COMMD8: variants seen among roughly 807,000 people sequenced by gnomAD.
The protein encoded by COMMD8 is COMM domain containing 8.
Under a neutral mutation model 27.2 loss-of-function variants are expected in COMMD8, and 28 were observed. The observed-to-expected ratio is 1.03, with a 90% confidence interval of 0.76 to 1.41. The LOEUF (loss-of-function observed/expected upper bound fraction) is 1.41, where lower values mean the gene tolerates loss of function less well. Ranked by LOEUF, COMMD8 falls within the 40% of genes most tolerant of loss-of-function variation. The pLI is 0.00. For missense variants in COMMD8, 217 were observed against 211.2 expected, an observed-to-expected ratio of 1.03 and a Z score of -0.17; for synonymous variants, 79 against 75.5, an observed-to-expected ratio of 1.05 and a Z score of -0.24.
At position 47,452,929 on chromosome 4, in the gene COMMD8, G is replaced by A. The variant is rs1729788756; in HGVS notation, c.531+130C>T. 8 of 670,178 alleles carry A rather than the reference G, an allele frequency of 1.2e-5. No individual in the cohort carries two copies. In the East Asian group the frequency reaches 2.1e-4, roughly 18 times the overall value. 41.5% of individuals were successfully genotyped at this position (670,178 alleles called of 1,614,324 possible). On this transcript the variant is annotated intron_variant, in intron 4 of 4. Transcript: ENST00000381571. ...GAGAATCGCTTGAACTCGGGAGGCG[G>A]AGGTTGCAGTGAGCCGAGTTCGCGC...
rs200625536 is a variant in COMMD8 at position 47,456,673 on chromosome 4, G to A, written c.279C>T (p.Cys93=). 48 of 1,607,386 alleles carry A rather than the reference G, an allele frequency of 3.0e-5. No individual in the cohort carries two copies. Among genetic ancestry groups the A allele is most frequent in the Admixed American group, 8.5e-5 (5 of 58,872 alleles). ...NSLHQETIMK[C]VKSRKDEIKQ... ...TGATTTCATCTTTCCTACTTTTCAC[G>A]CATTTCATGATAGTTTCTTGATGAA... The change falls in exon 3 of 5, where the codon TGC becomes TGT. Residue 93 remains cysteine, a synonymous_variant. Transcript: ENST00000381571.
intron 3 of COMMD8, among the ~76,000 whole-genome samples, chr4:47,454,042 A>G (rs924587190): frequency 2.0e-5 from 3 of 152,186 alleles, no homozygotes; most frequent in African/African-American, 7.2e-5. Flanking sequence ...CAAAAACAGG[A>G]CCCATAATAT....
chr4:47,462,144 G>C (rs988599466), intron 1 of COMMD8, among the ~76,000 whole-genome samples: 1 of 152,128 alleles, frequency 6.6e-6, no homozygotes, highest in East Asian at 1.9e-4. Context: ...GTGCTCAACC[G>C]GGAAGCAACC....
intron 4 of COMMD8, among the ~76,000 whole-genome samples, chr4:47,452,385 CT>C (rs1235491344): frequency 2.0e-5 from 3 of 152,074 alleles, no homozygotes; most frequent in African/African-American, 2.4e-5. Context: ...AATAAAGCCA[CT>C]TTTTTTAGGA....
At chr4:47,462,440 A>G (rs1222745628) in intron 1 of COMMD8, among the ~76,000 whole-genome samples, 1 of 152,080 alleles carries the variant, frequency 6.6e-6, no homozygotes, top group South Asian at 2.1e-4. Context: ...GGGAAAGAAG[A>G]GCTGAGGCAA....
chr4:47,457,918 A>T (rs947599635), intron 2 of COMMD8, among the ~76,000 whole-genome samples: 1 of 151,702 alleles, frequency 6.6e-6, no homozygotes, highest in Non-Finnish European at 1.5e-5. Context: ...TGGCAATCCA[A>T]ATCAAGAGAT....
In COMMD8 at chr4:47,456,263, TA is replaced by T. The variant is rs1560390036; in HGVS notation, c.375+313del. The stretch of plus-strand genomic sequence containing the variant: ...CTCTTGTCTCAAAAAATAAATAAAT[TA>T]TACATATATATATATATATATATAT... On this transcript the variant is annotated intron_variant, in intron 3 of 4. Transcript: ENST00000381571. Among the ~76,000 whole-genome samples the T allele has an allele frequency of 3.8e-3, 313 of 81,670 alleles. 5 individuals carry two copies. Among genetic ancestry groups the T allele is most frequent in the African/African-American group, 0.016 (302 of 19,384 alleles). 53.6% of individuals were successfully genotyped at this position (81,670 alleles called of 152,430 possible).
Position 47,454,998 on chromosome 4 carries a change from T to A in COMMD8, c.375+1579A>T, listed in dbSNP as rs559779524. On this transcript the variant is annotated intron_variant, in intron 3 of 4. Coordinates refer to ENST00000381571, the MANE Select transcript of COMMD8 (RefSeq NM_017845.5). ...TCTCATATATGCTACTATTAACATC[T>A]CTCTTATCCTTTATTTATTTATTTT... 2.2e-4 allele frequency among the ~76,000 whole-genome samples: 34 copies of A among 151,856 alleles called. 2 individuals are homozygous for A. The South Asian group carries it at 6.7e-3, about 30-fold the overall frequency.
At position 47,463,609 on chromosome 4, in the gene COMMD8, G is replaced by A. The variant is rs1404028368; in HGVS notation, c.43C>T (p.Leu15=). 1 of 1,547,376 alleles carries A rather than the reference G, an allele frequency of 6.5e-7. No individual in the cohort carries two copies. The highest frequency in any genetic ancestry group is 8.7e-7 in the Non-Finnish European group (1 of 1,146,232). ...EGTPLWRLQK[L]PAELGPQLLH... ...ACCTGCGGGCCCAGCTCGGCCGGCAGCTTCTGCAGCCGCCACAAGGGCGTC... is the reference window on the plus strand; with the variant it reads ...ACCTGCGGGCCCAGCTCGGCCGGCAACTTCTGCAGCCGCCACAAGGGCGTC... The change falls in exon 1 of 5, where the codon CTG becomes TTG. Residue 15 remains leucine, a synonymous_variant. Transcript: ENST00000381571.
In COMMD8 at chr4:47,460,070, C is replaced by T. The variant is rs1363799988; in HGVS notation, c.222+74G>A. On this transcript the variant is annotated intron_variant, in intron 2 of 4. Transcript: ENST00000381571. ...TACTGATGATAGCCCTTGTATTATA[C>T]ATTGCTCTAAAAAACTCAGAGAGAA... The T allele has an allele frequency of 2.4e-6, 3 of 1,228,910 alleles. No homozygotes were observed. The African/African-American group carries it at 4.6e-5, about 19-fold the overall frequency. 76.1% of individuals were successfully genotyped at this position (1,228,910 alleles called of 1,614,324 possible). A position where few individuals can be genotyped will look rare whatever the true frequency, so the allele number is the denominator to read the frequency against.
intron 3 of COMMD8, among the ~76,000 whole-genome samples, chr4:47,454,783 T>C (rs1160744902): frequency 6.9e-6 from 1 of 144,954 alleles, no homozygotes; most frequent in East Asian, 2.1e-4. Flanking sequence ...GAGAATCACT[T>C]GAACCCGGGA....
At chr4:47,460,423 G>A in intron 1 of COMMD8, 124 bp from the exon 2 acceptor site, 1 of 709,250 alleles carries the variant, frequency 1.4e-6, no homozygotes, top group Non-Finnish European at 2.3e-6. Context: ...AAGTTAAAAT[G>A]TATAAACCAC....
intron 3 of COMMD8, among the ~76,000 whole-genome samples, chr4:47,456,159 A>T (rs1729878940): frequency 6.6e-6 from 1 of 151,662 alleles, no homozygotes; most frequent in Non-Finnish European, 1.5e-5. Context: ...AGGCAGAAGA[A>T]TTGCTTGAAC....
At position 47,463,589 on chromosome 4, in the gene COMMD8, C is replaced by T. The variant is rs751806846; in HGVS notation, c.63G>A (p.Pro21=). 1 of 1,545,046 alleles carries T rather than the reference C, an allele frequency of 6.5e-7. No homozygotes were observed. The highest frequency in any genetic ancestry group is 8.7e-7 in the Non-Finnish European group (1 of 1,146,010). Residue 21 remains proline, a synonymous_variant, in exon 1 of 5, where the codon CCG becomes CCA. Coordinates refer to ENST00000381571, the MANE Select transcript of COMMD8 (RefSeq NM_017845.5). ...RLQKLPAELG[P]QLLHKIIDGI... ...TTCCCCCGGTACCCGCCCTCACCTGCGGGCCCAGCTCGGCCGGCAGCTTCT... is the reference window on the plus strand; with the variant it reads ...TTCCCCCGGTACCCGCCCTCACCTGTGGGCCCAGCTCGGCCGGCAGCTTCT...
intron 2 of COMMD8, among the ~76,000 whole-genome samples, chr4:47,457,731 A>G (rs1177120188): frequency 6.6e-6 from 1 of 152,074 alleles, no homozygotes; most frequent in Non-Finnish European, 1.5e-5. Flanking sequence ...CTAAATAAAT[A>G]AAGTCAATCT....
rs150753801 is a variant in COMMD8, at chr4:47,453,083, T to C, written c.507A>G (p.Ile169Met). ...EMSREELQNL[I>M]QSLEAANKVV... ...CCTTATTCGCTGCTTCCAAGGACTG[T>C]ATTAGATTCTGCAGCTCCTCTCTAC... Residue 169 changes from isoleucine to methionine, a missense_variant, in exon 4 of 5, where the codon ATA (isoleucine) becomes ATG (methionine). Transcript: ENST00000381571. The C allele has an allele frequency of 4.7e-3, 7,604 of 1,613,366 alleles. 37 individuals carry two copies. The highest frequency in any genetic ancestry group is 5.8e-3 in the Non-Finnish European group (6,815 of 1,179,548).
rs61111807 is a variant in COMMD8 at position 47,451,024 on chromosome 4, T to C, written c.*621A>G. ...GTAAAATGTTATTTTCATTTTTCTG[T>C]ATTCTTGATTTTAGTTTCTAGAATT... On this transcript the variant is annotated 3_prime_UTR_variant, in exon 5 of 5. Coordinates refer to ENST00000381571, the MANE Select transcript of COMMD8 (RefSeq NM_017845.5). The C allele has an allele frequency of 0.043, 6,605 of 152,316 alleles. 461 individuals are homozygous for C. Among genetic ancestry groups the C allele is most frequent in the African/African-American group, 0.15 (6,259 of 41,542 alleles). 9.4% of individuals were successfully genotyped at this position (152,316 alleles called of 1,614,324 possible). A position where few individuals can be genotyped will look rare whatever the true frequency, so the allele number is the denominator to read the frequency against.
At chr4:47,453,438 C>A (rs569562051) in intron 3 of COMMD8, among the ~76,000 whole-genome samples, 4 of 152,092 alleles carry the variant, frequency 2.6e-5, no homozygotes, top group Non-Finnish European at 5.9e-5. Context: ...GTAAGACAAC[C>A]AGTCAGCAAT....
chr4:47,458,356 C>T lies in COMMD8; in HGVS notation c.223-1627G>A, dbSNP rs561145778. On this transcript the variant is annotated intron_variant, in intron 2 of 4. Coordinates refer to ENST00000381571, the MANE Select transcript of COMMD8 (RefSeq NM_017845.5). ...AATCTCCCCCCAAAAAATCTGTATACAATTAGACACAGTAAACAAATTTAG... is the reference window on the plus strand; with the variant it reads ...AATCTCCCCCCAAAAAATCTGTATATAATTAGACACAGTAAACAAATTTAG... Among the ~76,000 whole-genome samples, 4 of 152,002 alleles carry T rather than the reference C, an allele frequency of 2.6e-5. No individual in the cohort carries two copies. In the South Asian group the frequency reaches 6.2e-4, roughly 24 times the overall value.
Sources: gnomAD v4.1 joint callset for allele counts (sites outside exome capture counted in the v4.1 genomes callset) on GRCh38, gnomAD v4.1.1 for gene constraint, MANE v1.5 for transcripts, NCBI Gene and HGNC (gene_info 2026-07-23, HGNC 2026-07-21) for gene names.